The following INTS14 variants were observed in gnomAD, a reference collection of about 807,000 sequenced individuals.
INTS14 encodes integrator complex subunit 14.
A neutral mutation model predicts 56.9 loss-of-function variants in INTS14; 27 were observed. That is an observed-to-expected ratio of 0.47 (90% CI 0.35 to 0.65). INTS14 has a LOEUF of 0.65. Ranked by LOEUF, INTS14 falls within the 30% of genes least tolerant of loss-of-function variation. The pLI is 0.00. For synonymous variants in INTS14, 207 were observed against 236.2 expected (o/e 0.88, Z 1.13); for missense variants, 517 against 632.2 (o/e 0.82, Z 1.95).
chr15:65,607,276 T>G lies in INTS14; in HGVS notation c.105A>C (p.Leu35Phe), dbSNP rs1309737930. Reference protein sequence around the residue: ...YQRKHLAAHGLTMLFEHMATN... With the variant: ...YQRKHLAAHGFTMLFEHMATN... ...TGGCCATGTGCTCAAACAGCATCGT[T>G]AAACCATGGGCTGCTAGGTGCTTAC... is the stretch of plus-strand genomic sequence containing the variant. Residue 35 changes from leucine (L) to phenylalanine (F), a missense_variant, in exon 2 of 12, where the codon TTA (leucine) becomes TTC (phenylalanine). Coordinates refer to ENST00000313182, the MANE Select transcript of INTS14 (RefSeq NM_001394796.1). 1 of 1,614,212 alleles carries G rather than the reference T, an allele frequency of 6.2e-7. No individual in the cohort carries two copies. Among genetic ancestry groups the G allele is most frequent in the Non-Finnish European group, 8.5e-7 (1 of 1,180,030 alleles).
At chr15:65,595,607 A>G (rs1251937162) in intron 7 of INTS14, 126 bp downstream of exon 7, 2 of 713,118 alleles carry the variant, frequency 2.8e-6, no homozygotes, top group Admixed American at 3.3e-5. Context: ...TCCATTTTCT[A>G]AAATCCAATT....
chr15:65,586,576 G>T (rs1034457056), intron 9 of INTS14: 1 of 152,106 alleles, frequency 6.6e-6, no homozygotes, highest in African/African-American at 2.4e-5. Flanking sequence ...AGCCTATTTT[G>T]TACTGTCATT....
In INTS14 at chr15:65,579,849, G is replaced by A. The variant is rs2072526507; in HGVS notation, c.1306-190C>T. ...TTACTGGGAAGTGGTTCCTCTGCAG[G>A]TGACCAGAAGCAGGCTAAGGAAGAC... On this transcript the variant is annotated intron_variant, in intron 11 of 11. Transcript: ENST00000313182. Among the ~76,000 whole-genome samples, 5 of 152,176 alleles carry A rather than the reference G, an allele frequency of 3.3e-5. No individual in the cohort carries two copies. In the South Asian group the frequency reaches 1.0e-3, roughly 32 times the overall value.
chr15:65,581,254 C>T (rs1288336090), intron 11 of INTS14, among the ~76,000 whole-genome samples: 1 of 150,002 alleles, frequency 6.7e-6, no homozygotes, highest in Non-Finnish European at 1.5e-5. Flanking sequence ...GTGGCACACA[C>T]CTGTAATCCC....
At position 65,598,426 on chromosome 15, in the gene INTS14, C is replaced by A; in HGVS notation, c.643G>T (p.Val215Phe). 6.2e-7 allele frequency: 1 copy of A among 1,614,002 alleles called. No homozygotes were observed. Among genetic ancestry groups the A allele is most frequent in the African/African-American group, 1.3e-5 (1 of 75,020 alleles). Reference sequence around the variant, plus strand: ...GCAGTTAGGTGGCCACACTTGAGAACAGCATGGAAAGGCGTATATGCCAAA... The same window carrying A: ...GCAGTTAGGTGGCCACACTTGAGAAAAGCATGGAAAGGCGTATATGCCAAA... ...IDLAYTPFHA[V>F]LKCGHLTADV... The change falls in exon 6 of 12, where the codon GTT becomes TTT. Residue 215 changes from valine (V) to phenylalanine (F), a missense_variant. Val to Phe is a conservative substitution (Grantham distance 50). Transcript: ENST00000313182.
intron 10 of INTS14, among the ~76,000 whole-genome samples, 156 bp from the exon 11 acceptor site, chr15:65,582,175 A>G (rs1360508214): frequency 6.6e-6 from 1 of 152,226 alleles, no homozygotes; most frequent in Non-Finnish European, 1.5e-5. Context: ...TCAGTTCAAC[A>G]TTAGTAAAGC....
chr15:65,584,631 C>A lies in INTS14; in HGVS notation c.1239+139G>T, dbSNP rs2292114. The stretch of plus-strand genomic sequence containing the variant: ...TGTTTTACTGTAGGGCATCTCAAAT[C>A]CCTTTTGGAAATAATGACAAACATT... On this transcript the variant is annotated intron_variant, in intron 10 of 11. Coordinates refer to ENST00000313182, the MANE Select transcript of INTS14 (RefSeq NM_001394796.1). 0.035 allele frequency: 24,267 copies of A among 686,050 alleles called. 3,817 individuals are homozygous for A. In the East Asian group the frequency reaches 0.45, roughly 13 times the overall value. The allele number at this position is 686,050 out of a possible 1,614,324, so 42.5% of individuals were successfully genotyped here.
At chr15:65,600,011 A>G (rs2073369563) in intron 3 of INTS14, 82 bp from the exon 4 acceptor site, 1 of 1,450,636 alleles carries the variant, frequency 6.9e-7, no homozygotes, top group Admixed American at 2.3e-5. Flanking sequence ...TTTCACTGCT[A>G]GAAAGGGGCA....
intron 2 of INTS14, among the ~76,000 whole-genome samples, chr15:65,605,884 C>A (rs2073625655): frequency 6.6e-6 from 1 of 152,096 alleles, no homozygotes; most frequent in South Asian, 2.1e-4. Flanking sequence ...GTTTAATATC[C>A]TTTTACAGGA....
intron 1 of INTS14, chr15:65,610,872 G>A (rs758525451): frequency 7.3e-6 from 11 of 1,509,604 alleles, no homozygotes; most frequent in Non-Finnish European, 9.7e-6. Context: ...CTGAGCAGAG[G>A]GCGAAATCGT....
intron 1 of INTS14, chr15:65,610,705 T>C: frequency 1.3e-6 from 2 of 1,535,732 alleles, no homozygotes; most frequent in Non-Finnish European, 1.7e-6. Flanking sequence ...GGCTTTCCCG[T>C]CAGCCTCCGG....
At chr15:65,602,666 T>C (rs1229153639) in intron 3 of INTS14, among the ~76,000 whole-genome samples, 1 of 150,232 alleles carries the variant, frequency 6.7e-6, no homozygotes, top group East Asian at 1.9e-4. Context: ...TCTACTACAA[T>C]GTTTTTTTTT....
intron 3 of INTS14, among the ~76,000 whole-genome samples, chr15:65,602,555 G>A (rs899226341): frequency 2.0e-5 from 3 of 152,090 alleles, no homozygotes; most frequent in Non-Finnish European, 4.4e-5. Flanking sequence ...AAAGTGTTGG[G>A]ATTACAGGCG....
chr15:65,607,405 A>T lies in INTS14; in HGVS notation c.-25T>A. On this transcript the variant is annotated 5_prime_UTR_variant, in exon 2 of 12. Coordinates refer to ENST00000313182, the MANE Select transcript of INTS14 (RefSeq NM_001394796.1). ...TGATGAAAATGATCCCAGTGTTCCC[A>T]ATCAGAATGCAAACAGACAGCTATA... 6.2e-7 allele frequency: 1 copy of T among 1,613,656 alleles called. No individual in the cohort carries two copies. Among genetic ancestry groups the T allele is most frequent in the South Asian group, 1.1e-5 (1 of 90,958 alleles).
In INTS14 at chr15:65,593,880, A is replaced by G. The variant is rs1389211318; in HGVS notation, c.842-308T>C. Among the ~76,000 whole-genome samples, 3 of 152,192 alleles carry G rather than the reference A, an allele frequency of 2.0e-5. No homozygotes were observed. The East Asian group carries it at 5.8e-4, about 29-fold the overall frequency. ...GTCTGGGAGTTGATAGTTAAAGGGT[A>G]CAGGGTTTCTTTTTGGGGTTATAAA... On this transcript the variant is annotated intron_variant, in intron 7 of 11. Transcript: ENST00000313182.
chr15:65,579,634 G>A lies in INTS14; in HGVS notation c.1331C>T (p.Ala444Val). Residue 444 changes from alanine to valine, a missense_variant, in exon 12 of 12, where the codon GCT becomes GTT. Physicochemically the swap from Ala to Val is moderately conservative, Grantham distance 64 (BLOSUM62 0). Coordinates refer to ENST00000313182, the MANE Select transcript of INTS14 (RefSeq NM_001394796.1). ...YKELNRLRKAALAFGFLDLLK... is the reference protein window; with the variant it reads ...YKELNRLRKAVLAFGFLDLLK... The stretch of plus-strand genomic sequence containing the variant: ...CAGGTCCAGGAAACCAAAGGCTAGA[G>A]CGGCCTTTCGCAAACGGTTCAGCTC... The A allele has an allele frequency of 3.1e-6, 5 of 1,613,970 alleles. No individual in the cohort carries two copies. Among genetic ancestry groups the A allele is most frequent in the Non-Finnish European group, 4.2e-6 (5 of 1,179,850 alleles).
chr15:65,591,470 A>G, intron 9 of INTS14, 128 bp downstream of exon 9: 1 of 1,260,002 alleles, frequency 7.9e-7, no homozygotes, highest in Non-Finnish European at 1.1e-6. Context: ...GTACACATCC[A>G]GCATCATCCG....
At chr15:65,603,380 AC>A (rs2073513023) in intron 3 of INTS14, among the ~76,000 whole-genome samples, 1 of 152,040 alleles carries the variant, frequency 6.6e-6, no homozygotes, top group South Asian at 2.1e-4. Context: ...TCGTGTAACC[AC>A]CCCCACAAAC....
At chr15:65,610,857 G>A in intron 1 of INTS14, 1 of 1,527,850 alleles carries the variant, frequency 6.5e-7, no homozygotes. Flanking sequence ...GGGGGCAGAG[G>A]GGAGCTGAGC....
Sources: gnomAD v4.1 joint callset for allele counts (sites outside exome capture counted in the v4.1 genomes callset) on GRCh38, gnomAD v4.1.1 for gene constraint, MANE v1.5 for transcripts, NCBI Gene and HGNC (gene_info 2026-07-23, HGNC 2026-07-21) for gene names.